The following TPST1 variants were observed in gnomAD, a reference collection of about 807,000 sequenced individuals.
The protein encoded by TPST1 is tyrosylprotein sulfotransferase 1, also known as protein-tyrosine sulfotransferase 1.
TPST1 carries 20 observed loss-of-function variants against 34.8 expected under a neutral mutation model. The ratio of observed to expected loss-of-function variants is 0.57; its 90% CI spans 0.40 to 0.84. The LOEUF (loss-of-function observed/expected upper bound fraction) is 0.84, where lower values mean the gene tolerates loss of function less well. TPST1 is among the 40% of genes least tolerant of loss of function. TPST1 has a pLI of 0.00. For synonymous variants in TPST1, 152 were observed against 159.4 expected (o/e 0.95, Z 0.35); for missense variants, 353 against 455.5 (o/e 0.78, Z 2.05).
chr7:66,248,938 G>A (rs995398273), intron 2 of TPST1, among the ~76,000 whole-genome samples: 3 of 152,170 alleles, frequency 2.0e-5, no homozygotes, highest in South Asian at 2.1e-4. Flanking sequence ...TGGAGGCTGG[G>A]ATGTCCAAGA....
At chr7:66,248,870 A>G (rs573860540) in intron 2 of TPST1, among the ~76,000 whole-genome samples, 123 of 152,268 alleles carry the variant, frequency 8.1e-4, no homozygotes, top group South Asian at 3.1e-3. Flanking sequence ...TTGGGCTGCT[A>G]TAACAAAATA....
rs1180122973 is a variant in TPST1 at position 66,296,956 on chromosome 7, T to G, written c.1044+10247T>G. 3.3e-5 allele frequency among the ~76,000 whole-genome samples: 5 copies of G among 152,276 alleles called. No individual in the cohort carries two copies. The East Asian group carries it at 9.6e-4, about 29-fold the overall frequency. Reference sequence around the variant, plus strand: ...TTCTTAACCTTTTAGACTTAGGAACTTATTTGAGAATTTGATGAATCCTGT... The same window carrying G: ...TTCTTAACCTTTTAGACTTAGGAACGTATTTGAGAATTTGATGAATCCTGT... On this transcript the variant is annotated intron_variant, in intron 3 of 5. Coordinates refer to ENST00000304842, the MANE Select transcript of TPST1 (RefSeq NM_003596.4).
intron 1 of TPST1, among the ~76,000 whole-genome samples, chr7:66,220,657 T>C (rs1188768479): frequency 4.1e-5 from 1 of 24,588 alleles, no homozygotes; most frequent in Non-Finnish European, 7.3e-5. Context: ...ACAGTGGCAC[T>C]GGGTGAGTGT....
At chr7:66,228,521 T>A (rs898538692) in intron 1 of TPST1, among the ~76,000 whole-genome samples, 8 of 152,172 alleles carry the variant, frequency 5.3e-5, no homozygotes, top group African/African-American at 1.9e-4. Context: ...CCTAAATAAA[T>A]GGAATATACT....
chr7:66,276,227 G>A (rs1562825541), intron 2 of TPST1, among the ~76,000 whole-genome samples: 3 of 150,358 alleles, frequency 2.0e-5, no homozygotes. Flanking sequence ...CTTAAATTTT[G>A]GTTTTTAGTA....
At chr7:66,327,597 C>T (rs746728918) in intron 3 of TPST1, among the ~76,000 whole-genome samples, 2 of 151,822 alleles carry the variant, frequency 1.3e-5, no homozygotes, top group Non-Finnish European at 2.9e-5. Flanking sequence ...GTGGCAGGTG[C>T]CCATAGTCCT....
At position 66,231,836 on chromosome 7, in the gene TPST1, G is replaced by T. The variant is rs554801786; in HGVS notation, c.-101-8489G>T. Among the ~76,000 whole-genome samples the T allele has an allele frequency of 7.9e-5, 12 of 152,376 alleles. No individual in the cohort carries two copies. The East Asian group carries it at 2.3e-3, about 29-fold the overall frequency. On this transcript the variant is annotated intron_variant, in intron 1 of 5. Coordinates refer to ENST00000304842, the MANE Select transcript of TPST1 (RefSeq NM_003596.4). ...CTCCTCAGGTGCCACCAAAGTGGGA[G>T]CCCAGGCAGAGGAGGCGCCCAGAGC...
At chr7:66,282,009 T>C (rs1262308494) in intron 2 of TPST1, among the ~76,000 whole-genome samples, 1 of 152,168 alleles carries the variant, frequency 6.6e-6, no homozygotes, top group Admixed American at 6.5e-5. Flanking sequence ...GTCACAGATA[T>C]CTTGTCTCAG....
At chr7:66,353,105 G>A (rs1462464586) in intron 4 of TPST1, among the ~76,000 whole-genome samples, 8 of 152,086 alleles carry the variant, frequency 5.3e-5, no homozygotes, top group Non-Finnish European at 1.2e-4. Flanking sequence ...ACTTGAAGTC[G>A]GGAGTTCAAG....
At chr7:66,201,941 G>C (rs181244307), upstream of TPST1, among the ~76,000 whole-genome samples, 1 of 151,300 alleles carries the variant, frequency 6.6e-6, no homozygotes, top group Admixed American at 6.6e-5. Context: ...CAAAGAATTA[G>C]TCTCTTTCCT....
chr7:66,227,147 C>T (rs1370206738), intron 1 of TPST1, among the ~76,000 whole-genome samples: 3 of 140,934 alleles, frequency 2.1e-5, no homozygotes, highest in Non-Finnish European at 4.5e-5. Flanking sequence ...AATTTTCTGC[C>T]TCAGCCTCCC....
chr7:66,308,173 A>T (rs977555812), intron 3 of TPST1, among the ~76,000 whole-genome samples: 4 of 152,192 alleles, frequency 2.6e-5, no homozygotes, highest in Non-Finnish European at 5.9e-5. Flanking sequence ...CCAGTGGTAA[A>T]GTGTTCAGTC....
chr7:66,214,938 A>G (rs1789358587), intron 1 of TPST1, among the ~76,000 whole-genome samples: 1 of 138,836 alleles, frequency 7.2e-6, no homozygotes, highest in South Asian at 2.2e-4. Flanking sequence ...TACATTTTAT[A>G]TAATATATAT....
At chr7:66,333,241 T>TGTTTTAC (rs1792031240) in intron 3 of TPST1, among the ~76,000 whole-genome samples, 1 of 152,246 alleles carries the variant, frequency 6.6e-6, no homozygotes, top group African/African-American at 2.4e-5. Context: ...TTTACTTTTA[T>TGTTTTAC]ATTTGAATTA....
chr7:66,275,397 A>G (rs1790787208), intron 2 of TPST1, among the ~76,000 whole-genome samples: 1 of 152,182 alleles, frequency 6.6e-6, no homozygotes, highest in African/African-American at 2.4e-5. Context: ...AGGAATTGAA[A>G]TCAGAATGTG....
chr7:66,205,083 C>G (rs1308481363), upstream of TPST1: 2 of 152,216 alleles, frequency 1.3e-5, no homozygotes, highest in African/African-American at 2.4e-5. This position sits in a 1 kb window ranked among gnomAD's most constrained non-coding sequence, Gnocchi z 5.0. Flanking sequence ...CCTGCGGCTG[C>G]CGGGAAGCCC....
In TPST1 at chr7:66,304,040, A is replaced by G. The variant is rs374667802; in HGVS notation, c.1044+17331A>G. On this transcript the variant is annotated intron_variant, in intron 3 of 5. Transcript: ENST00000304842. ...TATCAGTCTGGGCTCAGTCAGGGAA[A>G]CATTGAGCCACTGTTAAGTGTTATA... Among the ~76,000 whole-genome samples the G allele has an allele frequency of 6.1e-4, 93 of 152,288 alleles. 1 individual carries two copies. The highest frequency in any genetic ancestry group is 2.0e-3 in the African/African-American group (83 of 41,568).
intron 2 of TPST1, among the ~76,000 whole-genome samples, chr7:66,248,578 A>G (rs1276977677): frequency 7.1e-6 from 1 of 141,620 alleles, no homozygotes; most frequent in Non-Finnish European, 1.5e-5. Context: ...ATCTCGGCTC[A>G]CTGCAACCTC....
At chr7:66,306,288 A>G (rs1452729189) in intron 3 of TPST1, among the ~76,000 whole-genome samples, 1 of 152,218 alleles carries the variant, frequency 6.6e-6, no homozygotes, top group African/African-American at 2.4e-5. Context: ...TGCCTTTTGC[A>G]GGCAGTGATT....
Sources: gnomAD v4.1 joint callset for allele counts (sites outside exome capture counted in the v4.1 genomes callset) on GRCh38, gnomAD v4.1.1 for gene constraint, Gnocchi (gnomAD v3.1) non-coding constraint, MANE v1.5 for transcripts, NCBI Gene and HGNC (gene_info 2026-07-23, HGNC 2026-07-21) for gene names.